Variants in BTRC observed in about 807,000 individuals in gnomAD.
The protein encoded by BTRC is F-box/WD repeat-containing protein 1A.
A neutral mutation model predicts 85.5 loss-of-function variants in BTRC; 42 were observed. The ratio of observed to expected loss-of-function variants is 0.49; its 90% CI spans 0.38 to 0.64. The LOEUF (loss-of-function observed/expected upper bound fraction) is 0.64. Ranked by LOEUF, BTRC falls within the 30% of genes least tolerant of loss-of-function variation. BTRC has a pLI of 0.00. For synonymous variants in BTRC, 255 were observed against 263.3 expected (o/e 0.97, Z 0.30); for missense variants, 594 against 743.5 (o/e 0.80, Z 2.34).
chr10:101,501,398 G>A (rs1946398294), intron 4 of BTRC, among the ~76,000 whole-genome samples: 1 of 152,204 alleles, frequency 6.6e-6, no homozygotes, highest in African/African-American at 2.4e-5. Context: ...TCCCATGCCA[G>A]CAGATACTTC....
chr10:101,508,938 T>TAAAAAAAAAAAAAAAAAAAAA (rs1554890315), intron 4 of BTRC, among the ~76,000 whole-genome samples: 11 of 106,540 alleles, frequency 1.0e-4, no homozygotes, highest in South Asian at 3.6e-4. Context: ...AAAAAAAAAC[T>TAAAAAAAAAAAAAAAAAAAAA]AAAAGTAGAA....
intron 1 of BTRC, among the ~76,000 whole-genome samples, chr10:101,387,528 C>CTTTTTTTTTTTCTTTTTTT (rs1943111962): frequency 2.2e-5 from 1 of 45,122 alleles, no homozygotes; most frequent in Non-Finnish European, 3.4e-5. Context: ...CTTCATGGGA[C>CTTTTTTTTTTTCTTTTTTT]TTTTTTTTTT....
At chr10:101,388,535 G>A (rs1253095959) in intron 1 of BTRC, among the ~76,000 whole-genome samples, 1 of 151,906 alleles carries the variant, frequency 6.6e-6, no homozygotes, top group Non-Finnish European at 1.5e-5. Flanking sequence ...TGTTGCCCAG[G>A]CTGGAGGGCA....
chr10:101,489,337 A>G (rs1031175579), intron 4 of BTRC, among the ~76,000 whole-genome samples: 2 of 152,090 alleles, frequency 1.3e-5, no homozygotes, highest in Admixed American at 6.5e-5. Context: ...ATTAATATTT[A>G]AAGTCCACTT....
chr10:101,365,531 A>AGTG (rs1264013501), intron 1 of BTRC, among the ~76,000 whole-genome samples: 3 of 151,342 alleles, frequency 2.0e-5, no homozygotes, highest in African/African-American at 7.3e-5. Flanking sequence ...GCTGGAGTGC[A>AGTG]GTGGTGCAGT....
intron 4 of BTRC, among the ~76,000 whole-genome samples, chr10:101,502,716 A>G (rs943565642): frequency 3.9e-5 from 6 of 152,160 alleles, no homozygotes; most frequent in African/African-American, 1.4e-4. Flanking sequence ...ACAAAAAGCA[A>G]TACCCACCTC....
At chr10:101,362,684 C>G (rs1166932371) in intron 1 of BTRC, among the ~76,000 whole-genome samples, 3 of 152,138 alleles carry the variant, frequency 2.0e-5, no homozygotes, top group Admixed American at 6.5e-5. Context: ...TGTGAGCCAC[C>G]ACGCCCGGCC....
intron 3 of BTRC, among the ~76,000 whole-genome samples, chr10:101,478,532 T>A (rs1313329681): frequency 6.6e-6 from 1 of 151,926 alleles, no homozygotes; most frequent in Non-Finnish European, 1.5e-5. Flanking sequence ...GGCTCGTCCC[T>A]GTAATCCCAG....
At chr10:101,372,136 C>G (rs1435452528) in intron 1 of BTRC, among the ~76,000 whole-genome samples, 3 of 152,010 alleles carry the variant, frequency 2.0e-5, no homozygotes, top group Non-Finnish European at 4.4e-5. Context: ...ACCACACTGT[C>G]TTAATTTCTA....
At chr10:101,510,930 C>A (rs1420447855) in intron 4 of BTRC, among the ~76,000 whole-genome samples, 2 of 152,160 alleles carry the variant, frequency 1.3e-5, no homozygotes, top group African/African-American at 2.4e-5. Context: ...ATTTTATCAG[C>A]CTTCTAATTG....
At chr10:101,465,953 T>C (rs1945360464) in intron 3 of BTRC, among the ~76,000 whole-genome samples, 1 of 152,192 alleles carries the variant, frequency 6.6e-6, no homozygotes, top group Non-Finnish European at 1.5e-5. Context: ...ATAGCTACAA[T>C]TTTTGTTTTA....
chr10:101,465,742 A>G (rs1332906180), intron 3 of BTRC, among the ~76,000 whole-genome samples: 1 of 152,190 alleles, frequency 6.6e-6, no homozygotes, highest in Non-Finnish European at 1.5e-5. Flanking sequence ...AAATTAAGAG[A>G]CACTGTTCCC....
chr10:101,527,220 T>C (rs976235858), intron 6 of BTRC, among the ~76,000 whole-genome samples: 1 of 152,212 alleles, frequency 6.6e-6, no homozygotes, highest in Non-Finnish European at 1.5e-5. Context: ...AGAACACTTT[T>C]AAAAGATAAA....
chr10:101,551,713 C>T (rs939467147), intron 14 of BTRC, among the ~76,000 whole-genome samples: 9 of 152,258 alleles, frequency 5.9e-5, no homozygotes, highest in Middle Eastern at 3.4e-3. Flanking sequence ...TGCAGTGTTC[C>T]GCTGAGGACA....
At chr10:101,401,862 A>C (rs908882034) in intron 1 of BTRC, among the ~76,000 whole-genome samples, 1 of 151,718 alleles carries the variant, frequency 6.6e-6, no homozygotes, top group African/African-American at 2.4e-5. Context: ...AAAGAAAAAG[A>C]AAAACAATGT....
intron 2 of BTRC, among the ~76,000 whole-genome samples, chr10:101,438,884 T>C (rs1944607461): frequency 6.6e-6 from 1 of 152,156 alleles, no homozygotes; most frequent in Admixed American, 6.5e-5. Context: ...CAAAATCTCT[T>C]TTGTATTCCC....
At chr10:101,429,793 T>C (rs1944354142) in intron 1 of BTRC, among the ~76,000 whole-genome samples, 1 of 146,794 alleles carries the variant, frequency 6.8e-6, no homozygotes, top group African/African-American at 2.5e-5. Context: ...ACAAGATACA[T>C]AAAACATACG....
At chr10:101,540,714 C>T (rs191100208) in intron 13 of BTRC, among the ~76,000 whole-genome samples, 6 of 152,272 alleles carry the variant, frequency 3.9e-5, no homozygotes, top group Admixed American at 2.6e-4. Context: ...CCAGACTGGT[C>T]TCAAACTCCT....
At chr10:101,518,205 C>G (rs1243239615) in intron 4 of BTRC, among the ~76,000 whole-genome samples, 1 of 152,202 alleles carries the variant, frequency 6.6e-6, no homozygotes, top group Non-Finnish European at 1.5e-5. Context: ...AGCCACCGCG[C>G]CCGGCCGAAG....
Sources: allele counts gnomAD v4.1 joint callset (sites outside exome capture counted in the v4.1 genomes callset), GRCh38; gene constraint gnomAD v4.1.1; transcripts MANE v1.5; gene names NCBI Gene and HGNC (gene_info 2026-07-23, HGNC 2026-07-21).